NME7: variants seen among roughly 807,000 people sequenced by gnomAD.
NME7 encodes the protein nucleoside diphosphate kinase 7.
Under a neutral mutation model 49.1 loss-of-function variants are expected in NME7, and 41 were observed. That is an observed-to-expected ratio of 0.83 (90% CI 0.65 to 1.08). The LOEUF is 1.08. Among genes scored for constraint, NME7 ranks in the 50% least tolerant of loss-of-function variants. The pLI, the probability that NME7 is intolerant of heterozygous loss-of-function variation, is 0.00. For missense variants in NME7, 423 were observed against 463.4 expected (o/e 0.91, Z 0.80); for synonymous variants, 139 against 150.6 (o/e 0.92, Z 0.56).
chr1:169,198,445 T>C (rs537910220), intron 10 of NME7, among the ~76,000 whole-genome samples: 1 of 152,128 alleles, frequency 6.6e-6, no homozygotes, highest in East Asian at 1.9e-4. Context: ...AGCCAAAAGA[T>C]AGAAACAACC....
chr1:169,170,606 T>G (rs1659555403), intron 10 of NME7, among the ~76,000 whole-genome samples: 1 of 152,202 alleles, frequency 6.6e-6, no homozygotes, highest in East Asian at 1.9e-4. Flanking sequence ...TTCTAGCAAG[T>G]AAGTATCCAA....
Position 169,275,190 on chromosome 1 carries a change from A to G in NME7, c.754+12113T>C, listed in dbSNP as rs1199889418. Among the ~76,000 whole-genome samples, 26 of 131,850 alleles carry G rather than the reference A, an allele frequency of 2.0e-4. 3 individuals are homozygous for G. Among genetic ancestry groups the G allele is most frequent in the African/African-American group, 6.6e-4 (26 of 39,102 alleles). 86.5% of individuals were successfully genotyped at this position (131,850 alleles called of 152,430 possible). A position where few individuals can be genotyped will look rare whatever the true frequency, so the allele number is the denominator to read the frequency against. ...CTTGAAGAGGTCCTTCACGTCCCTTATAAGTCGGATTCCTACGTATTTTAT... is the reference window on the plus strand; with the variant it reads ...CTTGAAGAGGTCCTTCACGTCCCTTGTAAGTCGGATTCCTACGTATTTTAT... On this transcript the variant is annotated intron_variant, in intron 7 of 11. Coordinates refer to ENST00000367811, the MANE Select transcript of NME7 (RefSeq NM_013330.5).
chr1:169,215,520 A>G (rs60273087), intron 10 of NME7, among the ~76,000 whole-genome samples: 2,193 of 152,138 alleles, frequency 0.014, 47 homozygotes, highest in African/African-American at 0.048. Context: ...TCCTACCTCT[A>G]TTATTATTTA....
At chr1:169,289,582 A>G (rs955823682) in intron 6 of NME7, among the ~76,000 whole-genome samples, 1 of 152,128 alleles carries the variant, frequency 6.6e-6, no homozygotes, top group South Asian at 2.1e-4. Flanking sequence ...TTTCCAAAGT[A>G]AAAAGCAGTG....
chr1:169,161,387 T>C (rs12144832), intron 11 of NME7, among the ~76,000 whole-genome samples: 36,314 of 152,208 alleles, frequency 0.24, 5,337 homozygotes, highest in Non-Finnish European at 0.34. Flanking sequence ...AGTGTCAGTA[T>C]GTGCAGAGGC....
intron 1 of NME7, among the ~76,000 whole-genome samples, chr1:169,354,586 C>A (rs1451995533): frequency 1.3e-5 from 2 of 150,404 alleles, no homozygotes; most frequent in Non-Finnish European, 3.0e-5. Flanking sequence ...AAATTTTCCA[C>A]AATATGTTTA....
chr1:169,192,744 T>A (rs530339331), intron 10 of NME7, among the ~76,000 whole-genome samples: 1 of 152,210 alleles, frequency 6.6e-6, no homozygotes, highest in Non-Finnish European at 1.5e-5. Flanking sequence ...AACTTAGTTA[T>A]GGTAACTTGA....
intron 1 of NME7, among the ~76,000 whole-genome samples, chr1:169,326,076 C>T (rs148087536): frequency 2.0e-5 from 3 of 151,920 alleles, no homozygotes; most frequent in South Asian, 2.1e-4. Context: ...TGAAATGTTG[C>T]CTTCACTAAA....
chr1:169,135,487 G>A (rs1658402464), intron 11 of NME7, among the ~76,000 whole-genome samples: 1 of 152,172 alleles, frequency 6.6e-6, no homozygotes, highest in Non-Finnish European at 1.5e-5. Flanking sequence ...TATGAATACA[G>A]AGGGAAACTA....
intron 10 of NME7, among the ~76,000 whole-genome samples, chr1:169,225,110 AT>A (rs1322525428): frequency 1.3e-5 from 2 of 151,630 alleles, no homozygotes; most frequent in South Asian, 2.1e-4. Context: ...ATAATATATA[AT>A]TTTTTTTTCT....
chr1:169,190,642 C>A, intron 10 of NME7: 1 of 435,352 alleles, frequency 2.3e-6, no homozygotes, highest in Non-Finnish European at 4.6e-6. Flanking sequence ...TTAATACTCA[C>A]GGAACAGAGA....
intron 9 of NME7, among the ~76,000 whole-genome samples, chr1:169,232,154 G>A (rs1173771579): frequency 1.3e-5 from 2 of 152,222 alleles, no homozygotes; most frequent in East Asian, 3.9e-4. Flanking sequence ...ACAACGTCTA[G>A]AGATATAATC....
chr1:169,292,797 C>A (rs1050973558), intron 6 of NME7, among the ~76,000 whole-genome samples: 5 of 152,126 alleles, frequency 3.3e-5, no homozygotes, highest in Non-Finnish European at 7.4e-5. Context: ...TTCCAGGACT[C>A]TTGCAGCAGC....
At chr1:169,213,830 A>C in intron 10 of NME7, among the ~76,000 whole-genome samples, 1 of 149,176 alleles carries the variant, frequency 6.7e-6, no homozygotes, top group Admixed American at 6.7e-5. Context: ...TAAATAAATA[A>C]ATATATATAT....
At chr1:169,281,664 G>C (rs1039773568) in intron 7 of NME7, among the ~76,000 whole-genome samples, 3 of 152,098 alleles carry the variant, frequency 2.0e-5, no homozygotes, top group Non-Finnish European at 4.4e-5. Context: ...TAGCATGAAG[G>C]GGTGCTGAAT....
At chr1:169,260,201 C>T (rs1649117783) in intron 7 of NME7, among the ~76,000 whole-genome samples, 1 of 133,300 alleles carries the variant, frequency 7.5e-6, no homozygotes, top group South Asian at 2.3e-4. Flanking sequence ...TATAGAAAAG[C>T]AAAGAAGGGT....
intron 7 of NME7, among the ~76,000 whole-genome samples, chr1:169,253,185 T>C (rs1304000887): frequency 3.3e-5 from 5 of 150,622 alleles, no homozygotes; most frequent in African/African-American, 1.2e-4. Context: ...TGATTCTTCC[T>C]ACCCATGAGC....
rs1182181882 is a variant in NME7, at chr1:169,273,243, T to C, written c.754+14060A>G. Among the ~76,000 whole-genome samples, 2 of 130,480 alleles carry C rather than the reference T, an allele frequency of 1.5e-5. 1 individual carries two copies. Among genetic ancestry groups the C allele is most frequent in the Non-Finnish European group, 3.6e-5 (2 of 55,742 alleles). The allele number at this position is 130,480 out of a possible 152,430, so 85.6% of individuals were successfully genotyped here. On this transcript the variant is annotated intron_variant, in intron 7 of 11. Coordinates refer to ENST00000367811, the MANE Select transcript of NME7 (RefSeq NM_013330.5). ...CCCCCTGACAGGCCCCAGTGTGTGA[T>C]GTTCCCCTCCCTGTGTCCATGTGTT...
At chr1:169,323,659 G>C (rs1258166008) in intron 2 of NME7, among the ~76,000 whole-genome samples, 1 of 152,078 alleles carries the variant, frequency 6.6e-6, no homozygotes, top group Non-Finnish European at 1.5e-5. Context: ...TGTTAAAATT[G>C]TGTTGCCAGT....
Sources: gnomAD v4.1 joint callset for allele counts (sites outside exome capture counted in the v4.1 genomes callset) on GRCh38, gnomAD v4.1.1 for gene constraint, MANE v1.5 for transcripts, NCBI Gene and HGNC (gene_info 2026-07-23, HGNC 2026-07-21) for gene names.